The following NXN variants were observed in gnomAD, a reference collection of about 807,000 sequenced individuals.
The protein encoded by NXN is nucleoredoxin.
NXN carries 16 observed loss-of-function variants against 48.6 expected under a neutral mutation model. That is an observed-to-expected ratio of 0.33 (90% CI 0.22 to 0.50). NXN has a LOEUF of 0.50. NXN is among the 20% of genes least tolerant of loss of function. NXN has a pLI of 0.98. For synonymous variants in NXN, 281 were observed against 269.6 expected (o/e 1.04, Z -0.41); for missense variants, 492 against 605.5 (o/e 0.81, Z 1.97).
At chr17:880,283 G>A (rs537754671) in intron 1 of NXN, among the ~76,000 whole-genome samples, 26 of 152,052 alleles carry the variant, frequency 1.7e-4, no homozygotes, top group Non-Finnish European at 3.2e-4. Flanking sequence ...TGAGGGAGGC[G>A]TCTCTTTATT....
Position 819,508 on chromosome 17 carries a change from G to A in NXN, c.751C>T (p.Pro251Ser), listed in dbSNP as rs372695435. Reference sequence around the variant, plus strand: ...TCCGTGTAGGGGACGGCGAGCCAGGGCATCTCACTGAAGTACTGTTTGAAG... The same window carrying A: ...TCCGTGTAGGGGACGGCGAGCCAGGACATCTCACTGAAGTACTGTTTGAAG... Reference protein sequence around the residue: ...ESFKQYFSEMPWLAVPYTDEA... With the variant: ...ESFKQYFSEMSWLAVPYTDEA... Residue 251 changes from proline to serine, a missense_variant, in exon 5 of 8, where the codon CCC becomes TCC. Around this residue, in one of 3 missense-constraint regions of NXN, gnomAD observed 303 missense variants for 388.3 expected, o/e 0.78. Coordinates refer to ENST00000336868, the MANE Select transcript of NXN (RefSeq NM_022463.5). 3.7e-6 allele frequency: 6 copies of A among 1,612,546 alleles called. No homozygotes were observed. The highest frequency in any genetic ancestry group is 4.2e-6 in the Non-Finnish European group (5 of 1,179,324).
chr17:834,716 C>T (rs1335904141), intron 1 of NXN, among the ~76,000 whole-genome samples: 1 of 151,752 alleles, frequency 6.6e-6, no homozygotes, highest in Admixed American at 6.6e-5. Context: ...GATGGGGTTT[C>T]ACCACGTTGG....
At chr17:953,258 T>C (rs2069132317) in intron 1 of NXN, among the ~76,000 whole-genome samples, 1 of 151,594 alleles carries the variant, frequency 6.6e-6, no homozygotes, top group Non-Finnish European at 1.5e-5. Flanking sequence ...CTACCAAAAA[T>C]AGAAAAATTA....
chr17:964,590 C>T (rs333630), intron 1 of NXN, among the ~76,000 whole-genome samples: 25,915 of 152,170 alleles, frequency 0.17, 5,585 homozygotes, highest in African/African-American at 0.5. Flanking sequence ...AGGAAAATGT[C>T]TGAAGGCATT....
Position 821,244 on chromosome 17 carries a change from G to A in NXN, c.713+1113C>T, listed in dbSNP as rs1316591092. The stretch of plus-strand genomic sequence containing the variant: ...TCCTTTTGGGAACAGGAACATAAGC[G>A]GCAGAGGCCACTGGTGACTCAGTCT... On this transcript the variant is annotated intron_variant, in intron 4 of 7. Transcript: ENST00000336868. Among the ~76,000 whole-genome samples the A allele has an allele frequency of 1.3e-4, 10 of 78,142 alleles. 5 individuals are homozygous for A. The highest frequency in any genetic ancestry group is 4.6e-4 in the African/African-American group (6 of 12,958). The allele number at this position is 78,142 out of a possible 152,430, so 51.3% of individuals were successfully genotyped here. A position where few individuals can be genotyped will look rare whatever the true frequency, so the allele number is the denominator to read the frequency against.
rs935282324 is a variant in NXN at position 979,472 on chromosome 17, C to T, written c.207G>A (p.Gly69=). The T allele has an allele frequency of 1.7e-5, 20 of 1,194,304 alleles. No homozygotes were observed. Among genetic ancestry groups the T allele is most frequent in the African/African-American group, 4.8e-5 (3 of 62,060 alleles). 74.0% of individuals were successfully genotyped at this position (1,194,304 alleles called of 1,614,324 possible). A position where few individuals can be genotyped will look rare whatever the true frequency, so the allele number is the denominator to read the frequency against. ...CCGCCGCCCCGGCCCCCGCTCCCGG[C>T]CCCGGCCCGGCCGCCGCGTCCCCCC... is the stretch of plus-strand genomic sequence containing the variant. ...RLRGDAAAGP[G]PGAGAGAAAE... The change falls in exon 1 of 8, where the codon GGG becomes GGA. Residue 69 remains glycine, a synonymous_variant. Transcript: ENST00000336868.
intron 5 of NXN, among the ~76,000 whole-genome samples, chr17:813,035 A>C (rs55938111): frequency 0.039 from 5,886 of 152,106 alleles, 183 homozygotes; most frequent in Middle Eastern, 0.092. Context: ...GCGTGTGTGA[A>C]TGTGTGAGCG....
chr17:885,211 C>A (rs1398373925), intron 1 of NXN, among the ~76,000 whole-genome samples: 1 of 152,172 alleles, frequency 6.6e-6, no homozygotes. Flanking sequence ...CGCCTGTAAT[C>A]CCAGCATTTT....
chr17:901,643 T>G (rs1344712588), intron 1 of NXN, among the ~76,000 whole-genome samples: 2 of 152,208 alleles, frequency 1.3e-5, no homozygotes, highest in Non-Finnish European at 2.9e-5. Flanking sequence ...CGATGGCATT[T>G]TGTCCCATAA....
intron 1 of NXN, among the ~76,000 whole-genome samples, chr17:955,198 C>T (rs1488230398): frequency 1.7e-4 from 24 of 145,012 alleles, no homozygotes; most frequent in Non-Finnish European, 3.0e-5. Context: ...GACAGAGTCT[C>T]GCTCTGTCAC....
At chr17:953,236 G>A (rs2069132047) in intron 1 of NXN, among the ~76,000 whole-genome samples, 1 of 152,130 alleles carries the variant, frequency 6.6e-6, no homozygotes, top group African/African-American at 2.4e-5. Context: ...CCAACATGGT[G>A]AAACCCCATC....
chr17:843,059 G>GAAAGAAAGAAAGAAAGAAAGAAA (rs1567829215), intron 1 of NXN, among the ~76,000 whole-genome samples: 3 of 98,468 alleles, frequency 3.0e-5, no homozygotes, highest in African/African-American at 1.2e-4. Context: ...AAAGAAAGAA[G>GAAAGAAAGAAAGAAAGAAAGAAA]GAAGAAAGCA....
intron 5 of NXN, among the ~76,000 whole-genome samples, chr17:814,480 G>GAGCAGCAGAGAGGGGGCGC (rs1336786982): frequency 6.6e-6 from 1 of 152,116 alleles, no homozygotes; most frequent in Non-Finnish European, 1.5e-5. Flanking sequence ...TGACCCAATG[G>GAGCAGCAGAGAGGGGGCGC]AGCAGCAGAG....
chr17:829,108 G>GA (rs953640060), intron 1 of NXN, among the ~76,000 whole-genome samples: 4 of 143,720 alleles, frequency 2.8e-5, no homozygotes, highest in South Asian at 2.2e-4. Flanking sequence ...TCGCTAGGGG[G>GA]AAAAAATGAC....
intron 1 of NXN, among the ~76,000 whole-genome samples, chr17:939,489 G>A (rs965841808): frequency 2.0e-5 from 3 of 151,972 alleles, no homozygotes; most frequent in African/African-American, 7.3e-5. Context: ...GGGATTACAG[G>A]TGCCCGCCAC....
At position 836,814 on chromosome 17, in the gene NXN, C is replaced by T. The variant is rs867264868; in HGVS notation, c.361-10736G>A. Among the ~76,000 whole-genome samples, 11 of 152,078 alleles carry T rather than the reference C, an allele frequency of 7.2e-5. 1 individual carries two copies. Among genetic ancestry groups the T allele is most frequent in the Non-Finnish European group, 1.0e-4 (7 of 68,026 alleles). ...AAGTGTTAGTTGCTTTAAGCTAAGG[C>T]GCTGACACAGACAATGGGTCTCATT... On this transcript the variant is annotated intron_variant, in intron 1 of 7. Transcript: ENST00000336868.
At chr17:856,351 T>C (rs2067986024) in intron 1 of NXN, among the ~76,000 whole-genome samples, 1 of 152,158 alleles carries the variant, frequency 6.6e-6, no homozygotes, top group South Asian at 2.1e-4. Flanking sequence ...GAAAACTTGC[T>C]CATGGAGGTC....
intron 1 of NXN, among the ~76,000 whole-genome samples, chr17:922,155 G>C (rs759735836): frequency 1.3e-5 from 2 of 152,158 alleles, no homozygotes; most frequent in Non-Finnish European, 2.9e-5. Context: ...AAAGCTGTAA[G>C]AATTGGCCAG....
rs1203293224 is a variant in NXN at position 978,027 on chromosome 17, G to A, written c.360+1292C>T. ...GAATCTCTACCTCCCACTGCTTCGG[G>A]ATGGATGATTTACTCAAGACATTTG... On this transcript the variant is annotated intron_variant, in intron 1 of 7. Coordinates refer to ENST00000336868, the MANE Select transcript of NXN (RefSeq NM_022463.5). The surrounding 1 kb of genome is among the most constrained non-coding windows in gnomAD (Gnocchi z 4.1). Among the ~76,000 whole-genome samples the A allele has an allele frequency of 6.6e-6, 1 of 152,156 alleles. No individual in the cohort carries two copies. The highest frequency in any genetic ancestry group is 1.5e-5 in the Non-Finnish European group (1 of 68,040).
Sources: allele counts gnomAD v4.1 joint callset (sites outside exome capture counted in the v4.1 genomes callset), GRCh38; gene constraint gnomAD v4.1.1; regional missense constraint gnomAD v4.1.1; non-coding constraint Gnocchi (gnomAD v3.1); transcripts MANE v1.5; gene names NCBI Gene and HGNC (gene_info 2026-07-23, HGNC 2026-07-21).